MSH4: variants seen among roughly 807,000 people sequenced by gnomAD.
The protein encoded by MSH4 is mutS homolog 4, also known as mutS protein homolog 4.
Under a neutral mutation model 113.7 loss-of-function variants are expected in MSH4, and 106 were observed. That is an observed-to-expected ratio of 0.93 (90% CI 0.80 to 1.10). The LOEUF (loss-of-function observed/expected upper bound fraction) is 1.10, where lower values mean the gene tolerates loss of function less well. Among genes scored for constraint, MSH4 ranks in the 50% least tolerant of loss-of-function variants. The probability of loss-of-function intolerance (pLI) is 0.00; values close to 1 mark genes in which losing one functional copy is unlikely to be tolerated. For missense variants in MSH4, 1,061 were observed against 1,093.7 expected, an observed-to-expected ratio of 0.97 and a Z score of 0.42; for synonymous variants, 368 against 380.2, an observed-to-expected ratio of 0.97 and a Z score of 0.37.
chr1:75,904,423 T>A (rs1306493165), intron 19 of MSH4, among the ~76,000 whole-genome samples: 2 of 152,224 alleles, frequency 1.3e-5, no homozygotes. Flanking sequence ...ATTGAAATAA[T>A]TTGATTAGAC....
intron 8 of MSH4, among the ~76,000 whole-genome samples, chr1:75,850,969 A>G (rs993538057): frequency 9.9e-5 from 15 of 152,122 alleles, no homozygotes; most frequent in Admixed American, 9.8e-4. Context: ...TTGCTATGAA[A>G]TCTACTGCAT....
chr1:75,801,007 TG>T (rs1649923179), intron 1 of MSH4, among the ~76,000 whole-genome samples: 1 of 152,236 alleles, frequency 6.6e-6, no homozygotes, highest in Non-Finnish European at 1.5e-5. Context: ...GCTGCTTTAT[TG>T]AACAATGCAG....
At chr1:75,816,866 A>G (rs933487367) in intron 6 of MSH4, among the ~76,000 whole-genome samples, 6 of 152,170 alleles carry the variant, frequency 3.9e-5, no homozygotes, top group Non-Finnish European at 5.9e-5. Context: ...ATCTCAAATT[A>G]TCCACCTGCC....
At chr1:75,799,614 C>T (rs1344535294) in intron 1 of MSH4, among the ~76,000 whole-genome samples, 1 of 152,180 alleles carries the variant, frequency 6.6e-6, no homozygotes, top group South Asian at 2.1e-4. Context: ...GAGAAAAACA[C>T]GTGCAAAGGC....
At chr1:75,903,106 A>C (rs542532015) in intron 19 of MSH4, among the ~76,000 whole-genome samples, 1 of 151,888 alleles carries the variant, frequency 6.6e-6, no homozygotes, top group East Asian at 1.9e-4. Flanking sequence ...GGTTTTACCC[A>C]AAAAGTCTTT....
At chr1:75,877,583 A>G (rs1157000642) in intron 10 of MSH4, among the ~76,000 whole-genome samples, 3 of 152,166 alleles carry the variant, frequency 2.0e-5, no homozygotes, top group Admixed American at 6.5e-5. Context: ...CAAATAAAAT[A>G]TAGAATGGAA....
intron 9 of MSH4, among the ~76,000 whole-genome samples, chr1:75,875,131 C>CA (rs1002397502): frequency 1.9e-4 from 29 of 152,164 alleles, no homozygotes; most frequent in African/African-American, 6.8e-4. Flanking sequence ...TGAGCTCAAG[C>CA]AATTTGTCCG....
At chr1:75,887,282 C>G (rs1166713595) in intron 15 of MSH4, among the ~76,000 whole-genome samples, 1 of 152,118 alleles carries the variant, frequency 6.6e-6, no homozygotes, top group African/African-American at 2.4e-5. Context: ...TGCTCTCTCC[C>G]TCTCCTGCTC....
chr1:75,885,057 G>GTATATATATATATA (rs1440064046), intron 15 of MSH4, among the ~76,000 whole-genome samples: 4 of 114,530 alleles, frequency 3.5e-5, no homozygotes, highest in Non-Finnish European at 6.8e-5. Flanking sequence ...GTGTGTGTGT[G>GTATATATATATATA]TGTATATATA....
intron 9 of MSH4, among the ~76,000 whole-genome samples, chr1:75,873,537 T>C (rs1651756262): frequency 6.6e-6 from 1 of 152,038 alleles, no homozygotes; most frequent in Admixed American, 6.6e-5. Context: ...CCAATAGTTA[T>C]TTTTTCTCCT....
intron 6 of MSH4, among the ~76,000 whole-genome samples, chr1:75,817,058 G>A (rs958623166): frequency 6.6e-6 from 1 of 152,068 alleles, no homozygotes; most frequent in African/African-American, 2.4e-5. Flanking sequence ...TGAAACTATG[G>A]GCACAAACTG....
intron 19 of MSH4, among the ~76,000 whole-genome samples, chr1:75,908,356 T>C (rs1202319270): frequency 2.6e-5 from 4 of 151,912 alleles, no homozygotes; most frequent in Non-Finnish European, 2.9e-5. Context: ...GTGTTGGCCA[T>C]GCTGGTCTCA....
intron 11 of MSH4, among the ~76,000 whole-genome samples, 166 bp downstream of exon 11, chr1:75,878,484 G>C (rs1399945401): frequency 6.6e-6 from 1 of 152,074 alleles, no homozygotes; most frequent in African/African-American, 2.4e-5. Context: ...AGCATATGTG[G>C]CAGCCTTCAT....
intron 8 of MSH4, among the ~76,000 whole-genome samples, chr1:75,862,653 A>G (rs1338933932): frequency 1.3e-5 from 2 of 152,096 alleles, no homozygotes; most frequent in African/African-American, 4.8e-5. Flanking sequence ...TCATTTTTTT[A>G]ACCATCTGAA....
At position 75,912,694 on chromosome 1, in the gene MSH4, A is replaced by G; in HGVS notation, c.2620-2A>G. 1 of 1,489,532 alleles carries G rather than the reference A, an allele frequency of 6.7e-7. No homozygotes were observed. The highest frequency in any genetic ancestry group is 8.9e-7 in the Non-Finnish European group (1 of 1,128,610). The allele number at this position is 1,489,532 out of a possible 1,614,324, so 92.3% of individuals were successfully genotyped here. ...TATATATTTTTTTTTTTTCAATGACAGCAAAACCAAAGGAGTACCCCTGAG... is the reference window on the plus strand; with the variant it reads ...TATATATTTTTTTTTTTTCAATGACGGCAAAACCAAAGGAGTACCCCTGAG... On this transcript the variant is annotated splice_acceptor_variant, in intron 19 of 19. Transcript: ENST00000263187. LOFTEE classifies it high-confidence loss of function.
intron 17 of MSH4, among the ~76,000 whole-genome samples, chr1:75,895,780 G>A (rs747498878): frequency 6.6e-6 from 1 of 152,158 alleles, no homozygotes; most frequent in African/African-American, 2.4e-5. Flanking sequence ...TGGAAAAGGG[G>A]TTAGTGCTTT....
intron 7 of MSH4, among the ~76,000 whole-genome samples, chr1:75,831,234 G>C (rs1035589251): frequency 6.6e-6 from 1 of 152,148 alleles, no homozygotes; most frequent in Admixed American, 6.5e-5. Flanking sequence ...AACAAGGAGA[G>C]CTAACTCTCC....
chr1:75,874,531 A>G (rs1305409793), intron 9 of MSH4, among the ~76,000 whole-genome samples: 1 of 152,116 alleles, frequency 6.6e-6, no homozygotes, highest in Non-Finnish European at 1.5e-5. Flanking sequence ...TATGTTACGC[A>G]GGCTGGTCTT....
chr1:75,825,343 T>C (rs527817887), intron 7 of MSH4, among the ~76,000 whole-genome samples: 1 of 152,274 alleles, frequency 6.6e-6, no homozygotes, highest in East Asian at 1.9e-4. Flanking sequence ...AAGTTGTTTA[T>C]CAGTTTAAGG....
Sources: allele counts gnomAD v4.1 joint callset (sites outside exome capture counted in the v4.1 genomes callset), GRCh38; gene constraint gnomAD v4.1.1; transcripts MANE v1.5; gene names NCBI Gene and HGNC (gene_info 2026-07-23, HGNC 2026-07-21).